The following SPOCK1 variants were observed in gnomAD, a reference collection of about 807,000 sequenced individuals.
SPOCK1 encodes testican-1.
SPOCK1 carries 23 observed loss-of-function variants against 55.3 expected under a neutral mutation model. The observed-to-expected ratio is 0.42, with a 90% CI of 0.30 to 0.59. The LOEUF is 0.59. Among genes scored for constraint, SPOCK1 ranks in the 20% least tolerant of loss-of-function variants. The pLI, the probability that SPOCK1 is intolerant of heterozygous loss-of-function variation, is 0.22. For synonymous variants in SPOCK1, 226 were observed against 221.0 expected, an observed-to-expected ratio of 1.02 and a Z score of -0.20; for missense variants, 499 against 552.5, an observed-to-expected ratio of 0.90 and a Z score of 0.97.
At chr5:137,381,979 TTCC>T (rs1751481029) in intron 2 of SPOCK1, among the ~76,000 whole-genome samples, 1 of 152,240 alleles carries the variant, frequency 6.6e-6, no homozygotes, top group African/African-American at 2.4e-5. Flanking sequence ...TAAATATTAG[TTCC>T]AGTTTCAGAT....
chr5:137,099,358 T>G (rs1378756623), intron 5 of SPOCK1, among the ~76,000 whole-genome samples: 1 of 152,174 alleles, frequency 6.6e-6, no homozygotes, highest in Non-Finnish European at 1.5e-5. Flanking sequence ...CAAAAGTAAT[T>G]GCAGTTTTTG....
intron 3 of SPOCK1, among the ~76,000 whole-genome samples, chr5:137,193,314 G>A (rs996702428): frequency 6.6e-6 from 1 of 152,176 alleles, no homozygotes; most frequent in Non-Finnish European, 1.5e-5. Flanking sequence ...GGATATGCCT[G>A]GGAGGTGACC....
chr5:137,414,047 G>A (rs12658092), intron 2 of SPOCK1, among the ~76,000 whole-genome samples: 7,292 of 152,268 alleles, frequency 0.048, 254 homozygotes, highest in African/African-American at 0.095. Context: ...TAGACAAACC[G>A]TGATTGGTAA....
chr5:137,446,825 C>G (rs1753139872), intron 2 of SPOCK1, among the ~76,000 whole-genome samples: 1 of 152,222 alleles, frequency 6.6e-6, no homozygotes. Context: ...TTCCCTGCAG[C>G]TCTTGGCAAC....
At chr5:137,492,841 T>C (rs1754217314) in intron 2 of SPOCK1, among the ~76,000 whole-genome samples, 1 of 152,186 alleles carries the variant, frequency 6.6e-6, no homozygotes, top group African/African-American at 2.4e-5. Context: ...GCCCCTTCCC[T>C]TCATGGTGAG....
chr5:137,480,465 C>T (rs952846581), intron 2 of SPOCK1, among the ~76,000 whole-genome samples: 2 of 152,220 alleles, frequency 1.3e-5, no homozygotes, highest in African/African-American at 4.8e-5. Context: ...CTTCCTGCTT[C>T]TCTTGGACAT....
At chr5:137,091,157 G>A (rs1202693323) in intron 5 of SPOCK1, among the ~76,000 whole-genome samples, 1 of 152,162 alleles carries the variant, frequency 6.6e-6, no homozygotes, top group Non-Finnish European at 1.5e-5. Context: ...CAAGCATGGG[G>A]ACTCTGCTTT....
At chr5:137,278,197 C>A (rs1483799157) in intron 2 of SPOCK1, among the ~76,000 whole-genome samples, 2 of 152,216 alleles carry the variant, frequency 1.3e-5, no homozygotes, top group African/African-American at 2.4e-5. Context: ...CTAAGACTGT[C>A]CTAGCTGCCA....
chr5:137,210,408 T>A (rs1432404279), intron 3 of SPOCK1, among the ~76,000 whole-genome samples: 5 of 152,198 alleles, frequency 3.3e-5, no homozygotes, highest in Admixed American at 3.3e-4. Context: ...CACATCTTAG[T>A]CTTTGGAGAA....
At chr5:137,030,965 C>T (rs1751767274) in intron 6 of SPOCK1, among the ~76,000 whole-genome samples, 1 of 152,118 alleles carries the variant, frequency 6.6e-6, no homozygotes, top group South Asian at 2.1e-4. Context: ...AAGGCACTAC[C>T]TATAAAATCA....
intron 2 of SPOCK1, among the ~76,000 whole-genome samples, chr5:137,432,314 T>A (rs530576948): frequency 1.2e-3 from 179 of 152,356 alleles, no homozygotes; most frequent in Non-Finnish European, 2.0e-3. Context: ...CCCATGCTCA[T>A]GGCAGGATTA....
intron 2 of SPOCK1, among the ~76,000 whole-genome samples, chr5:137,479,956 A>G (rs938634970): frequency 3.3e-5 from 5 of 152,230 alleles, no homozygotes; most frequent in Middle Eastern, 3.4e-3. Flanking sequence ...TAAGCCTGGG[A>G]GGAAGAGGGT....
chr5:137,139,778 C>T (rs1304217847), intron 4 of SPOCK1, among the ~76,000 whole-genome samples: 2 of 152,082 alleles, frequency 1.3e-5, no homozygotes, highest in Non-Finnish European at 1.5e-5. Context: ...TCCTCTCATC[C>T]CTGCCCCATC....
intron 2 of SPOCK1, among the ~76,000 whole-genome samples, chr5:137,454,131 T>C (rs537326659): frequency 2.0e-5 from 3 of 152,174 alleles, no homozygotes; most frequent in Admixed American, 6.5e-5. Flanking sequence ...GATAAATCTC[T>C]ACAGGATAAA....
At chr5:137,089,861 A>G (rs1300983263) in intron 5 of SPOCK1, among the ~76,000 whole-genome samples, 2 of 152,214 alleles carry the variant, frequency 1.3e-5, no homozygotes, top group Non-Finnish European at 2.9e-5. Context: ...CTTTATAACT[A>G]TCAAAGATAA....
intron 2 of SPOCK1, among the ~76,000 whole-genome samples, chr5:137,421,348 T>C (rs903672962): frequency 6.6e-6 from 1 of 152,200 alleles, no homozygotes. Flanking sequence ...TTCCTGGATA[T>C]CCTTGTTAAC....
chr5:137,073,959 T>C (rs1027880875), intron 5 of SPOCK1, among the ~76,000 whole-genome samples: 18 of 152,130 alleles, frequency 1.2e-4, no homozygotes, highest in African/African-American at 4.3e-4. Flanking sequence ...CTAATACCAC[T>C]GGCGGCGGGA....
intron 5 of SPOCK1, among the ~76,000 whole-genome samples, chr5:137,075,430 T>A (rs1237885790): frequency 1.3e-5 from 2 of 152,186 alleles, no homozygotes; most frequent in African/African-American, 4.8e-5. Context: ...CAGGCTGGCT[T>A]ACACCTGGTA....
chr5:137,267,284 T>C (rs945018504), intron 2 of SPOCK1, among the ~76,000 whole-genome samples: 3 of 152,310 alleles, frequency 2.0e-5, no homozygotes, highest in Middle Eastern at 3.4e-3. Context: ...GTAAAAACAT[T>C]TCAGCCCAGT....
Sources: allele counts gnomAD v4.1 joint callset (sites outside exome capture counted in the v4.1 genomes callset), GRCh38; gene constraint gnomAD v4.1.1; transcripts MANE v1.5; gene names NCBI Gene and HGNC (gene_info 2026-07-23, HGNC 2026-07-21).